SYTL2: variants seen among roughly 807,000 people sequenced by gnomAD.
SYTL2 encodes the protein synaptotagmin like 2, also known as synaptotagmin-like protein 2.
Under a neutral mutation model 198.7 loss-of-function variants are expected in SYTL2, and 165 were observed. The ratio of observed to expected loss-of-function variants is 0.83; its 90% CI spans 0.73 to 0.94. The LOEUF is 0.94. Ranked by LOEUF, SYTL2 falls within the 40% of genes least tolerant of loss-of-function variation. SYTL2 has a pLI of 0.00. For missense variants in SYTL2, 2,835 were observed against 2,582.8 expected (o/e 1.10, Z -2.12); for synonymous variants, 966 against 917.7 (o/e 1.05, Z -0.95).
chr11:85,824,150 A>G, the SYTL2 span, among the ~76,000 whole-genome samples: 1 of 152,170 alleles, frequency 6.6e-6, no homozygotes, highest in African/African-American at 2.4e-5. Flanking sequence ...GTCTAATAAT[A>G]TAACTCCTCC....
At chr11:85,744,284 C>T (rs1488813346) in intron 4 of SYTL2, among the ~76,000 whole-genome samples, 1 of 152,174 alleles carries the variant, frequency 6.6e-6, no homozygotes, top group Non-Finnish European at 1.5e-5. Flanking sequence ...TGCTAGCAAA[C>T]TATTAATATT....
chr11:85,700,647 T>C (rs1202734368), intron 16 of SYTL2, 54 bp from the exon 17 acceptor site: 2 of 1,323,272 alleles, frequency 1.5e-6, no homozygotes, highest in Non-Finnish European at 2.2e-6. Context: ...ATCCTGTTTG[T>C]TGGTATAGGT....
intron 1 of SYTL2, among the ~76,000 whole-genome samples, chr11:85,759,037 G>A (rs1591943235): frequency 6.6e-6 from 1 of 152,076 alleles, no homozygotes; most frequent in African/African-American, 2.4e-5. Flanking sequence ...CTGAGGTCAG[G>A]AGTTCGAGAC....
intron 1 of SYTL2, among the ~76,000 whole-genome samples, chr11:85,809,049 C>A (rs965993819): frequency 6.6e-6 from 1 of 152,222 alleles, no homozygotes; most frequent in African/African-American, 2.4e-5. Context: ...AGACTAGCAT[C>A]TGGGTTTTGA....
chr11:85,850,401 T>A, the SYTL2 span, among the ~76,000 whole-genome samples: 1 of 152,046 alleles, frequency 6.6e-6, no homozygotes, highest in Non-Finnish European at 1.5e-5. Context: ...AAGACATTTA[T>A]GCAGCCAAAA....
chr11:85,714,537 A>G (rs763228850), intron 11 of SYTL2, 30 bp from the exon 12 acceptor site: 95 of 1,594,512 alleles, frequency 6.0e-5, no homozygotes, highest in Non-Finnish European at 7.7e-5. Context: ...TTTCAAAATT[A>G]TTCTTACAAT....
At chr11:85,719,044 G>A (rs1440183385) in intron 9 of SYTL2, 17 of 1,518,148 alleles carry the variant, frequency 1.1e-5, no homozygotes, top group Non-Finnish European at 1.5e-5. Context: ...TCCCATTTCA[G>A]CCCGGATGCA....
chr11:85,757,527 C>A, intron 2 of SYTL2, 98 bp downstream of exon 2: 1 of 1,355,264 alleles, frequency 7.4e-7, no homozygotes, highest in Non-Finnish European at 1.0e-6. Flanking sequence ...GTCTTCGAGT[C>A]AGAACTACCA....
the SYTL2 span, among the ~76,000 whole-genome samples, chr11:85,824,786 G>A: frequency 6.6e-6 from 1 of 152,160 alleles, no homozygotes; most frequent in South Asian, 2.1e-4. Flanking sequence ...GGCACTAGGA[G>A]AAGTCAAAGC....
At chr11:85,749,050 C>CA (rs1363241594) in intron 2 of SYTL2, among the ~76,000 whole-genome samples, 3 of 152,054 alleles carry the variant, frequency 2.0e-5, no homozygotes, top group Non-Finnish European at 4.4e-5. Flanking sequence ...CAGGGAAGAC[C>CA]AAAATTGAGG....
At chr11:85,808,077 T>C (rs1429664925) in intron 1 of SYTL2, among the ~76,000 whole-genome samples, 1 of 152,092 alleles carries the variant, frequency 6.6e-6, no homozygotes, top group Non-Finnish European at 1.5e-5. Flanking sequence ...TTATTATTAT[T>C]ATTATTTGAG....
At position 85,727,723 on chromosome 11, in the gene SYTL2, T is replaced by A; in HGVS notation, c.1635A>T (p.Ile545=). ...TTGAGTCTGTTTTTTCTTTGGACTC[T>A]ATTCCTCGGGGATGTTGGAGGAATG... The part of the protein sequence containing the change: ...NKSFLQHPRG[I]ESKEKTDSKS... Residue 545 remains isoleucine (I), a synonymous_variant, in exon 8 of 20, where the codon ATA becomes ATT. Transcript: ENST00000359152. 1 of 1,549,896 alleles carries A rather than the reference T, an allele frequency of 6.5e-7. No homozygotes were observed. Among genetic ancestry groups the A allele is most frequent in the East Asian group, 2.4e-5 (1 of 40,980 alleles).
At chr11:85,748,653 T>A (rs1473871562) in intron 2 of SYTL2, among the ~76,000 whole-genome samples, 1 of 152,226 alleles carries the variant, frequency 6.6e-6, no homozygotes, top group African/African-American at 2.4e-5. Context: ...GATTCCCGTA[T>A]GATGCCTGAA....
At chr11:85,707,831 C>T (rs546952810) in intron 14 of SYTL2, among the ~76,000 whole-genome samples, 2 of 151,644 alleles carry the variant, frequency 1.3e-5, no homozygotes, top group Admixed American at 6.6e-5. Context: ...ACTTCCAGGC[C>T]AGGCACGGTG....
chr11:85,733,595 T>TTTG (rs2153485670), intron 7 of SYTL2: 1 of 82,904 alleles, frequency 1.2e-5, no homozygotes, highest in Admixed American at 1.3e-4. Flanking sequence ...TTTTTTTTTG[T>TTTG]TTTTTTTTTT....
intron 5 of SYTL2, among the ~76,000 whole-genome samples, chr11:85,737,126 A>G (rs2090409869): frequency 6.6e-6 from 1 of 152,216 alleles, no homozygotes; most frequent in African/African-American, 2.4e-5. Context: ...TAAAAATGGT[A>G]TCAATAGAGG....
At chr11:85,823,049 C>T in the SYTL2 span, among the ~76,000 whole-genome samples, 2 of 152,236 alleles carry the variant, frequency 1.3e-5, no homozygotes. Flanking sequence ...GTTGCTTTCA[C>T]CACAATCCAG....
chr11:85,790,468 A>G lies in SYTL2; in HGVS notation c.-390+20486T>C, dbSNP rs556270443. ...TATAAAGCATAACTATAAAAGTTAG[A>G]CTGGATTTGTCTTTAGGTTCCCCAG... is the stretch of plus-strand genomic sequence containing the variant. On this transcript the variant is annotated intron_variant, in intron 1 of 19. Transcript: ENST00000359152. 1.3e-4 allele frequency among the ~76,000 whole-genome samples: 20 copies of G among 152,322 alleles called. 1 individual carries two copies. The highest frequency in any genetic ancestry group is 4.6e-4 in the African/African-American group (19 of 41,570).
intron 1 of SYTL2, among the ~76,000 whole-genome samples, chr11:85,768,485 T>A (rs564324060): frequency 6.6e-6 from 1 of 152,190 alleles, no homozygotes. Flanking sequence ...GATGACATTA[T>A]GCTGTAAGTA....
Sources: gnomAD v4.1 joint callset for allele counts (sites outside exome capture counted in the v4.1 genomes callset) on GRCh38, gnomAD v4.1.1 for gene constraint, MANE v1.5 for transcripts, NCBI Gene and HGNC (gene_info 2026-07-23, HGNC 2026-07-21) for gene names.